MEIS2: variants seen among roughly 807,000 people sequenced by gnomAD.
MEIS2 encodes Meis homeobox 2.
MEIS2 carries 9 observed loss-of-function variants against 58.6 expected under a neutral mutation model. That is an observed-to-expected ratio of 0.15 (90% CI 0.09 to 0.27). The LOEUF is 0.27. MEIS2 is among the 10% of genes least tolerant of loss of function. The pLI is 1.00. For missense variants in MEIS2, 427 were observed against 635.0 expected, an observed-to-expected ratio of 0.67 and a Z score of 3.52; for synonymous variants, 221 against 228.4, an observed-to-expected ratio of 0.97 and a Z score of 0.29.
Position 36,891,110 on chromosome 15 carries a change from A to T in MEIS2, c.*1063T>A, listed in dbSNP as rs752202310. 6.6e-6 allele frequency: 1 copy of T among 152,544 alleles called. No individual in the cohort carries two copies. The highest frequency in any genetic ancestry group is 1.5e-5 in the Non-Finnish European group (1 of 68,032). The allele number at this position is 152,544 out of a possible 1,614,324, so 9.4% of individuals were successfully genotyped here. ...AACATAACGTCACAGTCCTCATACA[A>T]GTATTTTAATGTAAATTTGACAAAG... On this transcript the variant is annotated 3_prime_UTR_variant, in exon 12 of 12. Transcript: ENST00000561208.
intron 8 of MEIS2, among the ~76,000 whole-genome samples, chr15:37,034,365 T>C (rs2062059880): frequency 4.6e-5 from 7 of 152,138 alleles, no homozygotes; most frequent in Admixed American, 4.6e-4. Context: ...TCCCCCAGCT[T>C]AGGCTATTTG....
At chr15:36,989,145 TA>T (rs1307840943) in intron 8 of MEIS2, among the ~76,000 whole-genome samples, 3 of 152,204 alleles carry the variant, frequency 2.0e-5, no homozygotes, top group Non-Finnish European at 4.4e-5. Flanking sequence ...GCTGACTCAT[TA>T]ACCATCAGAA....
chr15:37,046,850 T>C (rs1237324435), intron 7 of MEIS2, among the ~76,000 whole-genome samples: 7 of 150,944 alleles, frequency 4.6e-5, no homozygotes, highest in Non-Finnish European at 1.0e-4. Context: ...TATATATATA[T>C]ATATATTTAA....
In MEIS2 at chr15:36,892,185, A is replaced by G. The variant is rs1179633623; in HGVS notation, c.1422T>C (p.Ile474=). 3.1e-6 allele frequency: 5 copies of G among 1,614,186 alleles called. No individual in the cohort carries two copies. The highest frequency in any genetic ancestry group is 4.2e-6 in the Non-Finnish European group (5 of 1,180,016). The change falls in exon 12 of 12, where the codon ATT becomes ATC. Residue 474 remains isoleucine, a synonymous_variant. Transcript: ENST00000561208. The part of the protein sequence containing the change: ...DPNVGGQVMD[I]HAQ Reference sequence around the variant, plus strand: ...GAGTTCCCTTATACTATTGGGCATGAATGTCCATAACCTGTCCGCCAACAT... The same window carrying G: ...GAGTTCCCTTATACTATTGGGCATGGATGTCCATAACCTGTCCGCCAACAT...
intron 9 of MEIS2, among the ~76,000 whole-genome samples, chr15:36,935,054 T>C (rs1179292243): frequency 7.9e-5 from 12 of 152,182 alleles, no homozygotes. Flanking sequence ...CCCTGGGTCT[T>C]CATAATTGGT....
chr15:37,048,212 G>C (rs1032828129), intron 7 of MEIS2, among the ~76,000 whole-genome samples: 1 of 152,224 alleles, frequency 6.6e-6, no homozygotes, highest in South Asian at 2.1e-4. Flanking sequence ...TTCCAAAAAT[G>C]TATTAACTAC....
At chr15:36,974,414 A>G (rs2059671154) in intron 8 of MEIS2, among the ~76,000 whole-genome samples, 1 of 152,218 alleles carries the variant, frequency 6.6e-6, no homozygotes, top group African/African-American at 2.4e-5. Context: ...TCATATTCCA[A>G]AAATTAAATA....
chr15:37,000,310 T>G (rs2060674447), intron 8 of MEIS2, among the ~76,000 whole-genome samples: 1 of 152,128 alleles, frequency 6.6e-6, no homozygotes, highest in Non-Finnish European at 1.5e-5. Flanking sequence ...TGATGGTATT[T>G]GAACTAAGCT....
At chr15:37,036,662 TG>T (rs1448484187) in intron 8 of MEIS2, 151 bp downstream of exon 8, 5 of 785,376 alleles carry the variant, frequency 6.4e-6, no homozygotes, top group Admixed American at 3.4e-5. Context: ...TAATAGTTGA[TG>T]AAAAAAAAAA....
At chr15:36,986,848 T>A (rs1257226078) in intron 8 of MEIS2, among the ~76,000 whole-genome samples, 2 of 152,234 alleles carry the variant, frequency 1.3e-5, no homozygotes, top group Non-Finnish European at 2.9e-5. Flanking sequence ...CTATGTTGAA[T>A]GCTCTCTGTG....
chr15:36,912,392 G>T (rs189895714), intron 9 of MEIS2, among the ~76,000 whole-genome samples: 4 of 152,300 alleles, frequency 2.6e-5, no homozygotes, highest in African/African-American at 9.6e-5. Context: ...GCTTAGAGCC[G>T]TAATGAGCTG....
chr15:36,916,765 A>G (rs1350584955), intron 9 of MEIS2, among the ~76,000 whole-genome samples: 1 of 152,158 alleles, frequency 6.6e-6, no homozygotes, highest in East Asian at 1.9e-4. Flanking sequence ...GGGCTTCATA[A>G]TTCATAACTT....
intron 6 of MEIS2, among the ~76,000 whole-genome samples, chr15:37,093,355 A>G (rs1395671841): frequency 6.6e-6 from 1 of 152,230 alleles, no homozygotes; most frequent in Non-Finnish European, 1.5e-5. Flanking sequence ...AAATCACTCT[A>G]TCAACTCTGG....
At chr15:37,034,164 C>T (rs1595974264) in intron 8 of MEIS2, among the ~76,000 whole-genome samples, 1 of 152,060 alleles carries the variant, frequency 6.6e-6, no homozygotes, top group African/African-American at 2.4e-5. Context: ...AGGCTGGGAC[C>T]GGGCATTGCT....
At chr15:37,081,702 G>A (rs926391706) in intron 7 of MEIS2, among the ~76,000 whole-genome samples, 1 of 151,642 alleles carries the variant, frequency 6.6e-6, no homozygotes, top group Non-Finnish European at 1.5e-5. Flanking sequence ...TTCAAACTTC[G>A]ATACAGTAAA....
At chr15:37,090,939 C>G (rs1041548721) in intron 6 of MEIS2, among the ~76,000 whole-genome samples, 1 of 152,138 alleles carries the variant, frequency 6.6e-6, no homozygotes, top group Non-Finnish European at 1.5e-5. Flanking sequence ...GAAAACAACG[C>G]GCTGTCTGGG....
At chr15:37,086,203 T>G (rs1892859865) in intron 6 of MEIS2, among the ~76,000 whole-genome samples, 1 of 152,184 alleles carries the variant, frequency 6.6e-6, no homozygotes, top group African/African-American at 2.4e-5. Flanking sequence ...TTAAGGCAAA[T>G]GTCATCCAAT....
At chr15:36,976,030 C>A (rs906046765) in intron 8 of MEIS2, among the ~76,000 whole-genome samples, 1 of 151,892 alleles carries the variant, frequency 6.6e-6, no homozygotes, top group African/African-American at 2.4e-5. Flanking sequence ...AAGTTTCTAC[C>A]AACACTTTAT....
intron 8 of MEIS2, among the ~76,000 whole-genome samples, chr15:37,012,682 C>A (rs946956131): frequency 2.0e-5 from 3 of 152,064 alleles, no homozygotes; most frequent in Admixed American, 6.6e-5. Flanking sequence ...TACTATATGG[C>A]CATTTTTGCC....
Sources: gnomAD v4.1 joint callset for allele counts (sites outside exome capture counted in the v4.1 genomes callset) on GRCh38, gnomAD v4.1.1 for gene constraint, MANE v1.5 for transcripts, NCBI Gene and HGNC (gene_info 2026-07-23, HGNC 2026-07-21) for gene names.